The following RTN4R variants were observed in gnomAD, a reference collection of about 807,000 sequenced individuals.
RTN4R encodes reticulon-4 receptor.
In RTN4R, 4 loss-of-function variants were observed where a neutral mutation model predicts 27.7. The observed-to-expected ratio is 0.14, with a 90% CI of 0.07 to 0.33. The LOEUF (loss-of-function observed/expected upper bound fraction) is 0.33. Ranked by LOEUF, RTN4R falls within the 10% of genes least tolerant of loss-of-function variation. The pLI, the probability that RTN4R is intolerant of heterozygous loss-of-function variation, is 1.00. For synonymous variants in RTN4R, 290 were observed against 305.6 expected, an observed-to-expected ratio of 0.95 and a Z score of 0.53; for missense variants, 554 against 671.5, an observed-to-expected ratio of 0.83 and a Z score of 1.93.
chr22:20,247,505 G>C (rs1026677206), intron 1 of RTN4R, among the ~76,000 whole-genome samples: 2 of 106,252 alleles, frequency 1.9e-5, no homozygotes, highest in East Asian at 5.1e-4. Flanking sequence ...CCCGATCCTC[G>C]CTTGCTTCTC....
chr22:20,254,267 A>G (rs1280331720), intron 1 of RTN4R, among the ~76,000 whole-genome samples: 1 of 151,850 alleles, frequency 6.6e-6, no homozygotes, highest in Non-Finnish European at 1.5e-5. Flanking sequence ...TGTCTCTACA[A>G]AAAATTAAAA....
At position 20,241,835 on chromosome 22, in the gene RTN4R, T is replaced by G. The variant is rs946913357; in HGVS notation, c.1298A>C (p.Gln433Pro). 9 of 1,605,288 alleles carry G rather than the reference T, an allele frequency of 5.6e-6. No individual in the cohort carries two copies. Among genetic ancestry groups the G allele is most frequent in the Admixed American group, 1.7e-5 (1 of 59,026 alleles). ...AGTCCCGCCACCCCCGCTGCCTGCC[T>G]GGCCCAGACGGCAGTGGCTGCGGGT... ...NRTRSHCRLG[Q>P]AGSGGGGTGD... The change falls in exon 2 of 2, where the codon CAG becomes CCG. Residue 433 changes from glutamine (Q) to proline (P), a missense_variant. This residue lies in a region of RTN4R where 141 missense variants were observed against 129.2 expected (regional missense o/e 1.09). Coordinates refer to ENST00000043402, the MANE Select transcript of RTN4R (RefSeq NM_023004.6).
At position 20,242,557 on chromosome 22, in the gene RTN4R, G is replaced by T; in HGVS notation, c.576C>A (p.Ser192Arg). The part of the protein sequence containing the change: ...HLFLHGNRIS[S>R]VPERAFRGLH... ...GCCCACGGAAGGCGCGCTCGGGCAC[G>T]CTGGAGATGCGGTTGCCGTGCAGGA... The change falls in exon 2 of 2, where the codon AGC becomes AGA. Residue 192 changes from serine to arginine, a missense_variant. By Grantham distance (110) the Ser-to-Arg change is moderately radical. Around this residue, in one of 2 missense-constraint regions of RTN4R, gnomAD observed 413 missense variants for 542.3 expected, o/e 0.76. Coordinates refer to ENST00000043402, the MANE Select transcript of RTN4R (RefSeq NM_023004.6). 3.7e-6 allele frequency: 6 copies of T among 1,613,464 alleles called. No homozygotes were observed. The highest frequency in any genetic ancestry group is 5.1e-6 in the Non-Finnish European group (6 of 1,179,972).
chr22:20,265,099 G>A (rs893779752), intron 1 of RTN4R, among the ~76,000 whole-genome samples: 6 of 152,322 alleles, frequency 3.9e-5, no homozygotes, highest in East Asian at 1.9e-4. Flanking sequence ...CCTCCCGCCC[G>A]TCCTGTCCTC....
intron 1 of RTN4R, among the ~76,000 whole-genome samples, chr22:20,252,283 A>G (rs78143546): frequency 0.051 from 7,793 of 152,256 alleles, 622 homozygotes; most frequent in African/African-American, 0.17. Context: ...CAGGTGAGCA[A>G]TGGGTCAGTA....
intron 1 of RTN4R, among the ~76,000 whole-genome samples, chr22:20,265,905 T>C (rs2051274112): frequency 6.6e-6 from 1 of 152,140 alleles, no homozygotes; most frequent in Non-Finnish European, 1.5e-5. Flanking sequence ...CACTGGCCCA[T>C]GGTGCAGGTG....
At chr22:20,254,682 G>C (rs1012473883) in intron 1 of RTN4R, among the ~76,000 whole-genome samples, 5 of 151,974 alleles carry the variant, frequency 3.3e-5, no homozygotes, top group Admixed American at 3.3e-4. Context: ...TGCAAACCCA[G>C]AAAGAGGAAA....
At chr22:20,252,573 C>T (rs1019962226) in intron 1 of RTN4R, among the ~76,000 whole-genome samples, 3 of 152,178 alleles carry the variant, frequency 2.0e-5, no homozygotes, top group East Asian at 3.8e-4. Context: ...TGCACACAAT[C>T]TGGACTCCAA....
chr22:20,253,868 T>C (rs2051198121), intron 1 of RTN4R, among the ~76,000 whole-genome samples: 1 of 151,426 alleles, frequency 6.6e-6, no homozygotes. Context: ...ATACAAGTGT[T>C]AGAAAACAAG....
intron 1 of RTN4R, chr22:20,249,258 G>A (rs370242881): frequency 1.7e-4 from 89 of 526,856 alleles, no homozygotes; most frequent in African/African-American, 1.4e-3. Context: ...CCCTGGGGAC[G>A]CACTCTGAGC....
chr22:20,249,070 A>C lies in RTN4R; in HGVS notation c.23-5960T>G, dbSNP rs1175781544. 7.6e-6 allele frequency: 4 copies of C among 526,974 alleles called. No individual in the cohort carries two copies. The East Asian group carries it at 2.2e-4, about 29-fold the overall frequency. 32.6% of individuals were successfully genotyped at this position (526,974 alleles called of 1,614,324 possible). On this transcript the variant is annotated intron_variant, in intron 1 of 1. Transcript: ENST00000043402. ...CTTGCCCCACAGGAGGCTTGAGCCC[A>C]CCTGCTCCTCCATGCTCCACCAGGA...
In RTN4R at chr22:20,242,142, C is replaced by T. The variant is rs2051110928; in HGVS notation, c.991G>A (p.Gly331Arg). ...TGRATDEEPLGLPKCCQPDAA... is the reference protein window; with the variant it reads ...TGRATDEEPLRLPKCCQPDAA... The stretch of plus-strand genomic sequence containing the variant: ...TCTGGCTGGCAGCACTTGGGAAGCC[C>T]CAGCGGCTCCTCATCGGTGGCCCTG... The change falls in exon 2 of 2, where the codon GGG (glycine) becomes AGG (arginine). Residue 331 changes from glycine to arginine, a missense_variant. By Grantham distance (125) the Gly-to-Arg change is moderately radical (BLOSUM62 -2). Transcript: ENST00000043402. The T allele has an allele frequency of 6.2e-7, 1 of 1,612,352 alleles. No individual in the cohort carries two copies. Among genetic ancestry groups the T allele is most frequent in the East Asian group, 2.2e-5 (1 of 44,858 alleles).
At chr22:20,250,855 G>GCACA (rs35094087) in intron 1 of RTN4R, among the ~76,000 whole-genome samples, 67 of 150,410 alleles carry the variant, frequency 4.5e-4, no homozygotes, top group Non-Finnish European at 5.2e-4. Context: ...ACACATGCAT[G>GCACA]CACACACACA....
Position 20,268,116 on chromosome 22 carries a change from CG to C in RTN4R, c.-25del, listed in dbSNP as rs1170858378. On this transcript the variant is annotated 5_prime_UTR_variant, in exon 1 of 2. Transcript: ENST00000043402. ...ATCGTAGGGGTTGGGCGGGGCGCGT[CG>C]GGGACTGAAAGTCGTTTCGGGGCGG... 8.9e-7 allele frequency: 1 copy of C among 1,119,082 alleles called. No homozygotes were observed. Among genetic ancestry groups the C allele is most frequent in the Admixed American group, 4.8e-5 (1 of 20,796 alleles). 69.3% of individuals were successfully genotyped at this position (1,119,082 alleles called of 1,614,324 possible). A position where few individuals can be genotyped will look rare whatever the true frequency, so the allele number is the denominator to read the frequency against.
chr22:20,260,194 G>A (rs571262868), intron 1 of RTN4R, among the ~76,000 whole-genome samples: 2 of 152,080 alleles, frequency 1.3e-5, no homozygotes, highest in African/African-American at 4.8e-5. Context: ...GCCCTAGGGG[G>A]CTCATCTGTA....
chr22:20,267,449 CCT>C (rs1182928259), intron 1 of RTN4R, among the ~76,000 whole-genome samples: 2 of 152,184 alleles, frequency 1.3e-5, no homozygotes, highest in African/African-American at 2.4e-5. Context: ...CCCCACCGCC[CCT>C]GATTCCCCCA....
intron 1 of RTN4R, among the ~76,000 whole-genome samples, chr22:20,262,387 G>A (rs1248121261): frequency 3.3e-5 from 5 of 152,212 alleles, no homozygotes; most frequent in African/African-American, 9.6e-5. Context: ...CTGGGAGGCA[G>A]GGCAGAGTGG....
chr22:20,249,017 G>A lies in RTN4R; in HGVS notation c.23-5907C>T, dbSNP rs548380274. On this transcript the variant is annotated intron_variant, in intron 1 of 1. Transcript: ENST00000043402. Reference sequence around the variant, plus strand: ...GGAGGCTCTGCCCAGTGGAGGCCTCGCCCAGCCCAGGGCACAGCCAGTGCC... The same window carrying A: ...GGAGGCTCTGCCCAGTGGAGGCCTCACCCAGCCCAGGGCACAGCCAGTGCC... 832 of 456,696 alleles carry A rather than the reference G, an allele frequency of 1.8e-3. 3 individuals carry two copies. The highest frequency in any genetic ancestry group is 3.0e-3 in the Non-Finnish European group (652 of 218,620). The allele number at this position is 456,696 out of a possible 1,614,324, so 28.3% of individuals were successfully genotyped here. A position where few individuals can be genotyped will look rare whatever the true frequency, so the allele number is the denominator to read the frequency against.
intron 1 of RTN4R, among the ~76,000 whole-genome samples, chr22:20,261,626 C>T (rs890713889): frequency 1.3e-5 from 2 of 152,224 alleles, no homozygotes; most frequent in Non-Finnish European, 2.9e-5. Context: ...AGGCCACCAA[C>T]CCTGGGGTCT....
Sources: gnomAD v4.1 joint callset for allele counts (sites outside exome capture counted in the v4.1 genomes callset) on GRCh38, gnomAD v4.1.1 for gene constraint, gnomAD v4.1.1 regional missense constraint, MANE v1.5 for transcripts, NCBI Gene and HGNC (gene_info 2026-07-23, HGNC 2026-07-21) for gene names.